The following CPQ variants were observed in gnomAD, a reference collection of about 807,000 sequenced individuals.
The protein encoded by CPQ is Ser-Met dipeptidase.
In CPQ, 37 loss-of-function variants were observed where a neutral mutation model predicts 45.7. The observed-to-expected ratio is 0.81, with a 90% CI of 0.62 to 1.07. The LOEUF (loss-of-function observed/expected upper bound fraction) is 1.07, where lower values mean the gene tolerates loss of function less well. Ranked by LOEUF, CPQ falls within the 50% of genes least tolerant of loss-of-function variation. The probability of loss-of-function intolerance (pLI) is 0.00; values close to 1 mark genes in which losing one functional copy is unlikely to be tolerated. For missense variants in CPQ, 537 were observed against 572.9 expected, an observed-to-expected ratio of 0.94 and a Z score of 0.64; for synonymous variants, 186 against 205.8, an observed-to-expected ratio of 0.90 and a Z score of 0.82.
chr8:97,052,732 T>G (rs1420770800), intron 6 of CPQ, among the ~76,000 whole-genome samples: 1 of 152,156 alleles, frequency 6.6e-6, no homozygotes, highest in Non-Finnish European at 1.5e-5. Context: ...TTTTGCCACC[T>G]AGCCTCCAAA....
At chr8:97,017,787 G>C (rs1563555482) in intron 5 of CPQ, among the ~76,000 whole-genome samples, 2 of 151,862 alleles carry the variant, frequency 1.3e-5, no homozygotes, top group Non-Finnish European at 2.9e-5. Context: ...CCCACCTGGT[G>C]GTCCTTCCCT....
chr8:96,784,399 T>TGGCGGG (rs1554566980), intron 1 of CPQ, among the ~76,000 whole-genome samples: 1 of 128,208 alleles, frequency 7.8e-6, no homozygotes, highest in African/African-American at 2.9e-5. Context: ...TGTTCTGAGG[T>TGGCGGG]GGGGGGGGGG....
chr8:96,679,469 A>AT (rs1809121802), intron 1 of CPQ, among the ~76,000 whole-genome samples: 1 of 151,880 alleles, frequency 6.6e-6, no homozygotes, highest in Non-Finnish European at 1.5e-5. Flanking sequence ...CTCTTCTCCA[A>AT]TTTTTTTGAA....
chr8:96,658,390 G>A (rs1465501519), intron 1 of CPQ, among the ~76,000 whole-genome samples: 1 of 152,210 alleles, frequency 6.6e-6, no homozygotes, highest in Non-Finnish European at 1.5e-5. Flanking sequence ...TCACCTATGT[G>A]ACTTTGGGCC....
intron 4 of CPQ, among the ~76,000 whole-genome samples, chr8:96,961,154 G>T (rs1813455340): frequency 6.6e-6 from 1 of 152,138 alleles, no homozygotes. Context: ...ACAATTTTCT[G>T]CTTCTACCAG....
At chr8:96,697,248 T>C (rs1809397302) in intron 1 of CPQ, among the ~76,000 whole-genome samples, 1 of 152,294 alleles carries the variant, frequency 6.6e-6, no homozygotes, top group East Asian at 1.9e-4. Context: ...ATACATCATA[T>C]AAACAGATTG....
chr8:96,773,331 G>A (rs142160309), intron 1 of CPQ, among the ~76,000 whole-genome samples: 87 of 152,286 alleles, frequency 5.7e-4, no homozygotes, highest in Admixed American at 1.9e-3. Flanking sequence ...TCGCCATTAA[G>A]TGATATAGTC....
At chr8:97,125,701 A>G (rs1811835828) in intron 7 of CPQ, among the ~76,000 whole-genome samples, 1 of 152,202 alleles carries the variant, frequency 6.6e-6, no homozygotes, top group South Asian at 2.1e-4. Flanking sequence ...TGACTTTTGG[A>G]AAATTAGGAA....
chr8:96,770,456 C>A (rs1051553561), intron 1 of CPQ, among the ~76,000 whole-genome samples: 3 of 152,070 alleles, frequency 2.0e-5, no homozygotes, highest in Admixed American at 6.6e-5. Context: ...CTCTAATGCC[C>A]ACACTTTATT....
chr8:96,874,752 G>C (rs1251880087), intron 3 of CPQ, among the ~76,000 whole-genome samples: 1 of 151,732 alleles, frequency 6.6e-6, no homozygotes, highest in Admixed American at 6.6e-5. Flanking sequence ...AGGTATTAAG[G>C]TTGTTTCTAC....
In CPQ at chr8:96,856,048, C is replaced by T. The variant is rs1586427928; in HGVS notation, c.641+20868C>T. Among the ~76,000 whole-genome samples the T allele has an allele frequency of 4.6e-5, 7 of 152,264 alleles. No homozygotes were observed. In the South Asian group the frequency reaches 1.5e-3, roughly 32 times the overall value. On this transcript the variant is annotated intron_variant, in intron 3 of 7. Transcript: ENST00000220763. ...TACACTGAGCAAGGGAGAGAAAGGT[C>T]AGAGAGGTGAGCAGAGAGGTTGGCA...
chr8:97,064,092 T>A (rs1391777534), intron 6 of CPQ, among the ~76,000 whole-genome samples: 1 of 152,098 alleles, frequency 6.6e-6, no homozygotes, highest in Non-Finnish European at 1.5e-5. Context: ...CTTCCTATCA[T>A]GTAGCTCCAA....
At chr8:96,933,206 T>C (rs1440077659) in intron 4 of CPQ, among the ~76,000 whole-genome samples, 1 of 152,162 alleles carries the variant, frequency 6.6e-6, no homozygotes, top group African/African-American at 2.4e-5. Context: ...TCAATTTGGC[T>C]TTCAGTAGGC....
intron 2 of CPQ, among the ~76,000 whole-genome samples, chr8:96,799,556 C>T (rs1810979684): frequency 6.6e-6 from 1 of 151,982 alleles, no homozygotes; most frequent in Non-Finnish European, 1.5e-5. Flanking sequence ...TTAAAATTGG[C>T]GGTATGGGAT....
At chr8:96,683,042 A>G (rs370245573) in intron 1 of CPQ, among the ~76,000 whole-genome samples, 163 of 151,698 alleles carry the variant, frequency 1.1e-3, no homozygotes, top group African/African-American at 3.7e-3. Context: ...TTTATTTTTT[A>G]TCATTGTGGT....
At chr8:96,656,301 C>T (rs893411193) in intron 1 of CPQ, among the ~76,000 whole-genome samples, 1 of 152,176 alleles carries the variant, frequency 6.6e-6, no homozygotes, top group African/African-American at 2.4e-5. Flanking sequence ...GCTGCCTTTG[C>T]TCTGAGGTCT....
At chr8:96,970,565 C>CTT (rs34088987) in intron 5 of CPQ, among the ~76,000 whole-genome samples, 8,622 of 142,248 alleles carry the variant, frequency 0.061, 377 homozygotes, top group Non-Finnish European at 0.095. Context: ...GCCCAACACT[C>CTT]TTTTTTTTTT....
intron 4 of CPQ, among the ~76,000 whole-genome samples, chr8:96,943,509 A>G (rs958830140): frequency 2.0e-5 from 3 of 152,196 alleles, no homozygotes; most frequent in Admixed American, 1.3e-4. Flanking sequence ...CACTTTAAGT[A>G]TTATTACTCT....
chr8:96,896,256 T>TAACCAA (rs1812440666), intron 4 of CPQ, among the ~76,000 whole-genome samples: 1 of 152,164 alleles, frequency 6.6e-6, no homozygotes, highest in Non-Finnish European at 1.5e-5. Context: ...TGGCTCTATA[T>TAACCAA]TACTATGCCC....
Sources: gnomAD v4.1 joint callset for allele counts (sites outside exome capture counted in the v4.1 genomes callset) on GRCh38, gnomAD v4.1.1 for gene constraint, MANE v1.5 for transcripts, NCBI Gene and HGNC (gene_info 2026-07-23, HGNC 2026-07-21) for gene names.